The following BORCS5 variants were observed in gnomAD, a reference collection of about 807,000 sequenced individuals.
BORCS5 encodes BLOC-1 related complex subunit 5, also known as BLOC-1-related complex subunit 5.
A neutral mutation model predicts 22.1 loss-of-function variants in BORCS5; 17 were observed. The observed-to-expected ratio is 0.77, with a 90% CI of 0.53 to 1.15. The LOEUF (loss-of-function observed/expected upper bound fraction) is 1.15, where lower values mean the gene tolerates loss of function less well. Among genes scored for constraint, BORCS5 ranks in the 50% most tolerant of loss-of-function variants. The pLI, the probability that BORCS5 is intolerant of heterozygous loss-of-function variation, is 0.00. For missense variants in BORCS5, 247 were observed against 253.2 expected, an observed-to-expected ratio of 0.98 and a Z score of 0.17; for synonymous variants, 117 against 99.8, an observed-to-expected ratio of 1.17 and a Z score of -1.03.
intron 2 of BORCS5, among the ~76,000 whole-genome samples, chr12:12,375,861 A>G (rs929127727): frequency 6.6e-5 from 10 of 150,868 alleles, no homozygotes; most frequent in Admixed American, 5.9e-4. Flanking sequence ...CTGGAGTGCA[A>G]TGGTGCAATC....
chr12:12,383,944 C>T (rs912635468), intron 2 of BORCS5, among the ~76,000 whole-genome samples: 1 of 151,178 alleles, frequency 6.6e-6, no homozygotes, highest in African/African-American at 2.4e-5. Context: ...TTGCACAGAT[C>T]TCTAAGGCAC....
At chr12:12,439,194 C>T (rs937998002) in intron 3 of BORCS5, among the ~76,000 whole-genome samples, 5 of 152,168 alleles carry the variant, frequency 3.3e-5, no homozygotes, top group African/African-American at 7.2e-5. Context: ...GGTCTCACTC[C>T]GAACCGATTA....
intron 2 of BORCS5, among the ~76,000 whole-genome samples, chr12:12,426,278 G>C (rs7969984): frequency 0.62 from 94,764 of 152,172 alleles, 30,707 homozygotes; most frequent in African/African-American, 0.79. Flanking sequence ...CTATATTGCC[G>C]AGGCTGGCTT....
chr12:12,408,553 C>G (rs1009518979), intron 2 of BORCS5, among the ~76,000 whole-genome samples: 2 of 152,172 alleles, frequency 1.3e-5, no homozygotes, highest in Non-Finnish European at 2.9e-5. Flanking sequence ...ACAGCAACTT[C>G]CTATCCTCTC....
intron 2 of BORCS5, among the ~76,000 whole-genome samples, chr12:12,374,638 A>G (rs1376217577): frequency 2.0e-5 from 3 of 151,674 alleles, no homozygotes; most frequent in Non-Finnish European, 2.9e-5. Flanking sequence ...CAAATAAAAT[A>G]AAATAAAATA....
rs1555156048 is a variant in BORCS5 at position 12,438,385 on chromosome 12, A to AAAAAAACAC, written c.360+2602_360+2603insAAAACACAA. ...CAAAAAAAAAAAAAAAAAAAACGAA[A>AAAAAAACAC]AACAACAACAAAAACCTCTAATCCA... is the stretch of plus-strand genomic sequence containing the variant. On this transcript the variant is annotated intron_variant, in intron 3 of 3. Coordinates refer to ENST00000314565, the MANE Select transcript of BORCS5 (RefSeq NM_058169.6). Among the ~76,000 whole-genome samples, 35 of 126,130 alleles carry AAAAAAACAC rather than the reference A, an allele frequency of 2.8e-4. 1 individual carries two copies. Among genetic ancestry groups the AAAAAAACAC allele is most frequent in the African/African-American group, 1.1e-3 (35 of 30,554 alleles). 82.7% of individuals were successfully genotyped at this position (126,130 alleles called of 152,430 possible).
At chr12:12,419,574 T>C (rs1371345032) in intron 2 of BORCS5, among the ~76,000 whole-genome samples, 1 of 152,244 alleles carries the variant, frequency 6.6e-6, no homozygotes, top group African/African-American at 2.4e-5. Context: ...ATGGGATGGC[T>C]GGGTCAAATG....
chr12:12,392,946 C>T (rs1436212007), intron 2 of BORCS5, among the ~76,000 whole-genome samples: 2 of 151,992 alleles, frequency 1.3e-5, no homozygotes, highest in Non-Finnish European at 2.9e-5. Context: ...AAAAAAAGGT[C>T]GGCCAGGTGT....
rs1404730045 is a variant in BORCS5, at chr12:12,413,621, G to A, written c.203-22007G>A. ...CACACCTCCCAGACGGGTCGTGGCC[G>A]GGCAGAGGGGCTCCTCACTTCCCAG... is the stretch of plus-strand genomic sequence containing the variant. On this transcript the variant is annotated intron_variant, in intron 2 of 3. Transcript: ENST00000314565. Among the ~76,000 whole-genome samples, 262 of 134,278 alleles carry A rather than the reference G, an allele frequency of 2.0e-3. 1 individual carries two copies. Among genetic ancestry groups the A allele is most frequent in the Non-Finnish European group, 3.0e-3 (186 of 62,572 alleles). The allele number at this position is 134,278 out of a possible 152,430, so 88.1% of individuals were successfully genotyped here.
chr12:12,375,300 A>C (rs1285899168), intron 2 of BORCS5, among the ~76,000 whole-genome samples: 5 of 152,190 alleles, frequency 3.3e-5, no homozygotes, highest in Non-Finnish European at 5.9e-5. Context: ...GGCGTGAGCC[A>C]CTGTGTCCGG....
chr12:12,363,458 C>T (rs1048376472), intron 2 of BORCS5, among the ~76,000 whole-genome samples: 3 of 151,788 alleles, frequency 2.0e-5, no homozygotes, highest in Non-Finnish European at 4.4e-5. Flanking sequence ...AAAATTAGGC[C>T]GGGCGCAGTG....
At chr12:12,453,125 A>G (rs1942942470) in intron 3 of BORCS5, among the ~76,000 whole-genome samples, 1 of 152,226 alleles carries the variant, frequency 6.6e-6, no homozygotes, top group African/African-American at 2.4e-5. Context: ...AATGGTAAGT[A>G]TGTGAGGAGG....
At chr12:12,389,380 C>T (rs1463270163) in intron 2 of BORCS5, among the ~76,000 whole-genome samples, 1 of 150,724 alleles carries the variant, frequency 6.6e-6, no homozygotes, top group Admixed American at 6.6e-5. Context: ...TTAGGTGATC[C>T]ACCCGCCTTG....
Position 12,465,962 on chromosome 12 carries a change from C to A in BORCS5, c.*186C>A. 2 of 584,802 alleles carry A rather than the reference C, an allele frequency of 3.4e-6. No homozygotes were observed. The highest frequency in any genetic ancestry group is 6.1e-6 in the Non-Finnish European group (2 of 329,388). The allele number at this position is 584,802 out of a possible 1,614,324, so 36.2% of individuals were successfully genotyped here. On this transcript the variant is annotated 3_prime_UTR_variant, in exon 4 of 4. Coordinates refer to ENST00000314565, the MANE Select transcript of BORCS5 (RefSeq NM_058169.6). ...AGCTCTTTTCCTTGATGCAGTTTCC[C>A]GGTGTGGAAGGAACCTAACCAGTTC...
intron 3 of BORCS5, among the ~76,000 whole-genome samples, chr12:12,450,248 CA>C (rs1942883312): frequency 6.6e-6 from 1 of 152,220 alleles, no homozygotes; most frequent in South Asian, 2.1e-4. Context: ...ACTCTGGGAG[CA>C]GCCTTCATCT....
chr12:12,437,888 G>T (rs577817829), intron 3 of BORCS5, among the ~76,000 whole-genome samples: 2 of 152,132 alleles, frequency 1.3e-5, no homozygotes, highest in African/African-American at 4.8e-5. Flanking sequence ...TCAGCTTCCT[G>T]AGTAGCTTAG....
At chr12:12,408,459 C>T (rs1941641657) in intron 2 of BORCS5, among the ~76,000 whole-genome samples, 2 of 152,174 alleles carry the variant, frequency 1.3e-5, no homozygotes, top group Admixed American at 6.5e-5. Flanking sequence ...GTATTAAGTA[C>T]ATTGAGATTG....
Position 12,466,048 on chromosome 12 carries a change from T to G in BORCS5, c.*272T>G. The G allele has an allele frequency of 2.5e-6, 1 of 396,668 alleles. No homozygotes were observed. The highest frequency in any genetic ancestry group is 5.5e-5 in the South Asian group (1 of 18,056). The allele number at this position is 396,668 out of a possible 1,614,324, so 24.6% of individuals were successfully genotyped here. The stretch of plus-strand genomic sequence containing the variant: ...AGGAATTCTTTGAAGAACTCTGCAT[T>G]GAGAATTATTTTTATTTAGTTTTTT... On this transcript the variant is annotated 3_prime_UTR_variant, in exon 4 of 4. Coordinates refer to ENST00000314565, the MANE Select transcript of BORCS5 (RefSeq NM_058169.6).
At chr12:12,458,674 G>A (rs1565937049) in intron 3 of BORCS5, among the ~76,000 whole-genome samples, 1 of 150,794 alleles carries the variant, frequency 6.6e-6, no homozygotes, top group Non-Finnish European at 1.5e-5. Flanking sequence ...TGCCTTTTGG[G>A]TTCAAGAGAT....
Sources: gnomAD v4.1 joint callset for allele counts (sites outside exome capture counted in the v4.1 genomes callset) on GRCh38, gnomAD v4.1.1 for gene constraint, MANE v1.5 for transcripts, NCBI Gene and HGNC (gene_info 2026-07-23, HGNC 2026-07-21) for gene names.